Variants in BMPR1B observed in about 807,000 individuals in gnomAD.
BMPR1B encodes bone morphogenetic protein receptor type 1B.
Under a neutral mutation model 59.1 loss-of-function variants are expected in BMPR1B, and 12 were observed. The observed-to-expected ratio is 0.20, with a 90% CI of 0.13 to 0.33. The LOEUF (loss-of-function observed/expected upper bound fraction) is 0.33. BMPR1B is among the 10% of genes least tolerant of loss of function. BMPR1B has a pLI of 1.00. For synonymous variants in BMPR1B, 237 were observed against 207.3 expected, an observed-to-expected ratio of 1.14 and a Z score of -1.23; for missense variants, 550 against 610.9, an observed-to-expected ratio of 0.90 and a Z score of 1.05.
intron 2 of BMPR1B, among the ~76,000 whole-genome samples, chr4:94,961,484 G>A (rs1730351662): frequency 6.6e-6 from 1 of 152,044 alleles, no homozygotes; most frequent in African/African-American, 2.4e-5. Flanking sequence ...CTGTATTCAT[G>A]CTGATTCCTT....
intron 2 of BMPR1B, among the ~76,000 whole-genome samples, chr4:94,884,631 A>G (rs921060245): frequency 2.0e-5 from 3 of 152,168 alleles, no homozygotes; most frequent in Non-Finnish European, 4.4e-5. Flanking sequence ...TCATAACCTT[A>G]TTTAGGTGTT....
At chr4:94,917,107 A>G (rs1462177063) in intron 2 of BMPR1B, among the ~76,000 whole-genome samples, 1 of 152,228 alleles carries the variant, frequency 6.6e-6, no homozygotes, top group South Asian at 2.1e-4. Context: ...GCCTCTGCCT[A>G]TATTTCAGAG....
intron 3 of BMPR1B, among the ~76,000 whole-genome samples, chr4:95,048,299 G>C (rs1359187089): frequency 6.6e-6 from 1 of 151,986 alleles, no homozygotes; most frequent in Non-Finnish European, 1.5e-5. Context: ...ATTTTCTTTT[G>C]GATATATACC....
At chr4:95,041,772 C>G (rs1298277861) in intron 3 of BMPR1B, among the ~76,000 whole-genome samples, 1 of 152,128 alleles carries the variant, frequency 6.6e-6, no homozygotes, top group Admixed American at 6.5e-5. Flanking sequence ...ATGATATTTC[C>G]TCCCGCACAG....
At position 95,125,083 on chromosome 4, in the gene BMPR1B, T is replaced by C. The variant is rs141691706; in HGVS notation, c.547T>C (p.Ser183Pro). Residue 183 changes from serine (S) to proline (P), a missense_variant, in exon 8 of 13, where the codon TCT becomes CCT. By Grantham distance (74) the Ser-to-Pro change is moderately conservative (BLOSUM62 -1). Around this residue, in one of 6 missense-constraint regions of BMPR1B, gnomAD observed 318 missense variants for 284.6 expected, o/e 1.12. Coordinates refer to ENST00000515059, the MANE Select transcript of BMPR1B (RefSeq NM_001203.3). ...ATCCCTGAGAGACTTAATTGAGCAGTCTCAGAGCTCAGGAAGTGGATCAGG... is the reference window on the plus strand; with the variant it reads ...ATCCCTGAGAGACTTAATTGAGCAGCCTCAGAGCTCAGGAAGTGGATCAGG... ...GESLRDLIEQ[S>P]QSSGSGSGLP... is the part of the protein sequence containing the mutation. 18 of 1,613,704 alleles carry C rather than the reference T, an allele frequency of 1.1e-5. No homozygotes were observed. Among genetic ancestry groups the C allele is most frequent in the East Asian group, 2.2e-5 (1 of 44,872 alleles).
At chr4:94,987,707 CTTCTTA>C (rs1350715642) in intron 2 of BMPR1B, among the ~76,000 whole-genome samples, 1 of 152,020 alleles carries the variant, frequency 6.6e-6, no homozygotes, top group Non-Finnish European at 1.5e-5. Context: ...TCGAAAGATA[CTTCTTA>C]TTCTTAAGAT....
chr4:95,126,369 AAAT>A (rs1290657976), intron 8 of BMPR1B, among the ~76,000 whole-genome samples: 1 of 152,232 alleles, frequency 6.6e-6, no homozygotes, highest in Non-Finnish European at 1.5e-5. Context: ...AGATACCAAA[AAAT>A]AATATTTGGC....
chr4:94,773,191 T>A (rs192994627), intron 1 of BMPR1B, among the ~76,000 whole-genome samples: 1 of 152,240 alleles, frequency 6.6e-6, no homozygotes, highest in Admixed American at 6.5e-5. Context: ...AAGGTCATAA[T>A]CTAGAATCTG....
At chr4:94,984,070 A>C (rs1361225009) in intron 2 of BMPR1B, among the ~76,000 whole-genome samples, 1 of 152,198 alleles carries the variant, frequency 6.6e-6, no homozygotes. Context: ...GCAATAAAAA[A>C]CGATATACTA....
chr4:94,841,957 G>A (rs12500330), intron 1 of BMPR1B, among the ~76,000 whole-genome samples: 93,242 of 151,908 alleles, frequency 0.61, 29,615 homozygotes, highest in African/African-American at 0.78. Flanking sequence ...GTGGAAGGAC[G>A]TTATGATAAT....
At chr4:95,132,346 C>T (rs1005809719) in intron 10 of BMPR1B, among the ~76,000 whole-genome samples, 1 of 151,644 alleles carries the variant, frequency 6.6e-6, no homozygotes, top group Admixed American at 6.6e-5. Context: ...GAGAGGAGCA[C>T]AAAGAAAAAG....
chr4:94,841,419 A>G (rs796892627), intron 1 of BMPR1B, among the ~76,000 whole-genome samples: 16,677 of 148,672 alleles, frequency 0.11, 1,035 homozygotes, highest in Non-Finnish European at 0.13. Context: ...GGGAGACTCC[A>G]TGGGCGTAGG....
chr4:95,104,771 T>C (rs1458329264), intron 4 of BMPR1B, among the ~76,000 whole-genome samples: 1 of 152,044 alleles, frequency 6.6e-6, no homozygotes, highest in Non-Finnish European at 1.5e-5. Context: ...TTTTGATCCC[T>C]CCAGACAGCT....
At chr4:95,122,117 G>A (rs1434544) in intron 6 of BMPR1B, among the ~76,000 whole-genome samples, 95,380 of 151,940 alleles carry the variant, frequency 0.63, 30,226 homozygotes, top group Middle Eastern at 0.75. Context: ...ACCGAGGATC[G>A]CTTGAGGCCA....
chr4:95,119,348 T>A (rs996738101), intron 6 of BMPR1B, among the ~76,000 whole-genome samples: 16 of 152,202 alleles, frequency 1.1e-4, no homozygotes, highest in Non-Finnish European at 1.9e-4. Flanking sequence ...CTTTCACTGG[T>A]TGAGGTATTA....
intron 1 of BMPR1B, among the ~76,000 whole-genome samples, chr4:94,810,487 T>C (rs6821805): frequency 0.14 from 20,672 of 152,224 alleles, 1,475 homozygotes; most frequent in South Asian, 0.23. Context: ...GATGTGGGAA[T>C]GGAAACTTAC....
At chr4:94,758,804 G>C (rs1721638533) in intron 1 of BMPR1B, among the ~76,000 whole-genome samples, 1 of 150,774 alleles carries the variant, frequency 6.6e-6, no homozygotes, top group African/African-American at 2.4e-5. Flanking sequence ...CTCTCCCCCC[G>C]GTCTCTCTTT....
chr4:95,051,289 A>T (rs925512758), intron 3 of BMPR1B, among the ~76,000 whole-genome samples: 2 of 152,240 alleles, frequency 1.3e-5, no homozygotes, highest in African/African-American at 4.8e-5. Flanking sequence ...TGTTGGTAAA[A>T]GAAACAAACT....
chr4:94,767,711 A>G (rs1722022371), intron 1 of BMPR1B, among the ~76,000 whole-genome samples: 1 of 152,128 alleles, frequency 6.6e-6, no homozygotes, highest in Non-Finnish European at 1.5e-5. Flanking sequence ...TGATCTTTGT[A>G]TGCTGTGGCA....
Sources: allele counts gnomAD v4.1 joint callset (sites outside exome capture counted in the v4.1 genomes callset), GRCh38; gene constraint gnomAD v4.1.1; regional missense constraint gnomAD v4.1.1; transcripts MANE v1.5; gene names NCBI Gene and HGNC (gene_info 2026-07-23, HGNC 2026-07-21).